Variants in PTPRU observed in about 807,000 individuals in gnomAD.
PTPRU encodes the protein protein tyrosine phosphatase receptor type U, also known as receptor-type tyrosine-protein phosphatase U.
In PTPRU, 69 loss-of-function variants were observed where a neutral mutation model predicts 166.3. That is an observed-to-expected ratio of 0.41 (90% CI 0.34 to 0.51). PTPRU has a LOEUF of 0.51. Among genes scored for constraint, PTPRU ranks in the 20% least tolerant of loss-of-function variants. PTPRU has a pLI of 0.09. For synonymous variants in PTPRU, 793 were observed against 814.0 expected, an observed-to-expected ratio of 0.97 and a Z score of 0.44; for missense variants, 1,657 against 2,013.7, an observed-to-expected ratio of 0.82 and a Z score of 3.39.
At position 29,275,723 on chromosome 1, in the gene PTPRU, G is replaced by A; in HGVS notation, c.1420G>A (p.Gly474Ser). 1 of 1,614,146 alleles carries A rather than the reference G, an allele frequency of 6.2e-7. No individual in the cohort carries two copies. ...CACTAACCCTGAGGGGCGCAAAGAG[G>A]GCAAGGAGGTCACTTTCCAGACGGA... is the stretch of plus-strand genomic sequence containing the variant. ...VLTNPEGRKEGKEVTFQTDED... is the reference protein window; with the variant it reads ...VLTNPEGRKESKEVTFQTDED... The change falls in exon 8 of 30, where the codon GGC becomes AGC. Residue 474 changes from glycine (G) to serine (S), a missense_variant. Physicochemically the swap from Gly to Ser is moderately conservative, Grantham distance 56. This residue lies in a region of PTPRU where 1,190 missense variants were observed against 1,477.4 expected (regional missense o/e 0.81). Coordinates refer to ENST00000373779, the MANE Select transcript of PTPRU (RefSeq NM_133178.4).
At chr1:29,308,130 C>CT (rs934134891) in intron 18 of PTPRU, among the ~76,000 whole-genome samples, 8 of 150,768 alleles carry the variant, frequency 5.3e-5, no homozygotes, top group South Asian at 2.1e-4. Flanking sequence ...TTTCTTTTTT[C>CT]TTTTTTTTTG....
At chr1:29,242,500 G>A (rs904943517) in intron 1 of PTPRU, among the ~76,000 whole-genome samples, 1 of 152,154 alleles carries the variant, frequency 6.6e-6, no homozygotes, top group Non-Finnish European at 1.5e-5. Flanking sequence ...TCTCCAATAC[G>A]GTGGCTCCTG....
At chr1:29,305,453 T>C (rs1687346101) in intron 18 of PTPRU, 25 bp downstream of exon 18, 2 of 1,606,762 alleles carry the variant, frequency 1.2e-6, no homozygotes, top group Non-Finnish European at 1.7e-6. Flanking sequence ...CTGTCATTTC[T>C]GCAGACCTGG....
At position 29,323,684 on chromosome 1, in the gene PTPRU, A is replaced by C. The variant is rs1688269953; in HGVS notation, c.4008A>C (p.Ala1336=). The change falls in exon 28 of 30, where the codon GCA becomes GCC. Residue 1336 remains alanine, a synonymous_variant. Coordinates refer to ENST00000373779, the MANE Select transcript of PTPRU (RefSeq NM_133178.4). ...VRHFQFLRWS[A]YRDTPDSKKA... ...ACTTCCAGTTCCTGCGCTGGTCTGC[A>C]TACCGGGACACACCTGACTCCAAGA... 6.2e-7 allele frequency: 1 copy of C among 1,614,118 alleles called. No individual in the cohort carries two copies.
chr1:29,263,750 G>A (rs1473055687), intron 7 of PTPRU, among the ~76,000 whole-genome samples: 4 of 152,020 alleles, frequency 2.6e-5, no homozygotes, highest in African/African-American at 9.7e-5. Context: ...ATGATATATC[G>A]AGCATTTTTT....
At chr1:29,249,153 CG>C (rs1330078894) in intron 1 of PTPRU, among the ~76,000 whole-genome samples, 2 of 97,390 alleles carry the variant, frequency 2.1e-5, no homozygotes, top group East Asian at 4.0e-4. Flanking sequence ...CATGAGTGCA[CG>C]TGTGCACACA....
chr1:29,289,828 C>T (rs759369869), intron 14 of PTPRU: 14 of 1,204,396 alleles, frequency 1.2e-5, no homozygotes, highest in Admixed American at 9.8e-5. Flanking sequence ...TGGTGTCCAC[C>T]CGGTTCTCTC....
In PTPRU at chr1:29,315,778, T is replaced by A. The variant is rs2076621; in HGVS notation, c.3364-224T>A. ...GTGTGACCGTGAGCTGTCCCCCACC[T>A]CTCAGAGCACTCACAGAGTTGTTAT... On this transcript the variant is annotated intron_variant, in intron 23 of 29. Transcript: ENST00000373779. This position sits in a 1 kb window ranked among gnomAD's most constrained non-coding sequence, Gnocchi z 4.5. Among the ~76,000 whole-genome samples the A allele has an allele frequency of 0.032, 4,909 of 152,222 alleles. 149 individuals are homozygous for A. Among genetic ancestry groups the A allele is most frequent in the East Asian group, 0.15 (773 of 5,156 alleles).
At chr1:29,285,370 C>T (rs1197038805) in intron 14 of PTPRU, among the ~76,000 whole-genome samples, 1 of 152,208 alleles carries the variant, frequency 6.6e-6, no homozygotes, top group Non-Finnish European at 1.5e-5. Context: ...GCCCTGGACC[C>T]TGTTCCTGTG....
intron 15 of PTPRU, among the ~76,000 whole-genome samples, chr1:29,295,281 G>C (rs1686831014): frequency 6.6e-6 from 1 of 151,958 alleles, no homozygotes; most frequent in Admixed American, 6.6e-5. Context: ...CTGGGCTCCA[G>C]TGATCTGCCC....
intron 18 of PTPRU, among the ~76,000 whole-genome samples, chr1:29,307,749 C>CTTTT (rs201782011): frequency 8.5e-6 from 1 of 117,248 alleles, no homozygotes; most frequent in Non-Finnish European, 2.0e-5. Flanking sequence ...AAATATTATG[C>CTTTT]TTTTTTTTTT....
intron 26 of PTPRU, among the ~76,000 whole-genome samples, chr1:29,321,601 A>G (rs1044607291): frequency 8.5e-5 from 13 of 152,206 alleles, no homozygotes; most frequent in Admixed American, 5.2e-4. Flanking sequence ...GTAGAGTACA[A>G]TTCAAGCCTC....
chr1:29,292,142 G>T, intron 15 of PTPRU, 116 bp downstream of exon 15: 1 of 1,308,628 alleles, frequency 7.6e-7, no homozygotes, highest in African/African-American at 1.5e-5. Context: ...TGAAGCATCT[G>T]TGGTGCTCCT....
intron 24 of PTPRU, among the ~76,000 whole-genome samples, 175 bp downstream of exon 24, chr1:29,316,326 T>A (rs1687900258): frequency 1.3e-5 from 2 of 152,026 alleles, no homozygotes; most frequent in Admixed American, 1.3e-4. Context: ...GAAGATGGGG[T>A]GCATCAAAGC....
chr1:29,259,492 C>T lies in PTPRU; in HGVS notation c.603C>T (p.Asn201=), dbSNP rs751927235. Residue 201 remains asparagine (N), a synonymous_variant, in exon 5 of 30, where the codon AAC becomes AAT. Transcript: ENST00000373779. ...CCCGCCTGGGCGACGTGGAGGTCAA[C>T]GCGGGCCAGAACGCGTCGTTCCAGT... is the stretch of plus-strand genomic sequence containing the variant. ...HFSRLGDVEV[N]AGQNASFQCM... The T allele has an allele frequency of 2.5e-6, 4 of 1,610,390 alleles. No individual in the cohort carries two copies. Among genetic ancestry groups the T allele is most frequent in the South Asian group, 1.1e-5 (1 of 90,928 alleles).
At chr1:29,295,871 A>G (rs1310231826) in intron 15 of PTPRU, among the ~76,000 whole-genome samples, 1 of 151,736 alleles carries the variant, frequency 6.6e-6, no homozygotes, top group Non-Finnish European at 1.5e-5. Flanking sequence ...ATTTTTTTTT[A>G]GTAGAGATGG....
In PTPRU at chr1:29,268,227, C is replaced by G. The variant is rs1179314974; in HGVS notation, c.1145-7221C>G. On this transcript the variant is annotated intron_variant, in intron 7 of 29. Coordinates refer to ENST00000373779, the MANE Select transcript of PTPRU (RefSeq NM_133178.4). ...GTGGAGTTCAGGGAAGGGGTTCGGG[C>G]TGCAGATAGAAATTTGAAAGTCATC... 3.3e-5 allele frequency among the ~76,000 whole-genome samples: 5 copies of G among 152,160 alleles called. No individual in the cohort carries two copies. In the East Asian group the frequency reaches 7.7e-4, roughly 23 times the overall value.
chr1:29,255,919 C>T (rs1296314479), intron 2 of PTPRU, among the ~76,000 whole-genome samples: 1 of 152,210 alleles, frequency 6.6e-6, no homozygotes, highest in African/African-American at 2.4e-5. Context: ...AGATGGGGCA[C>T]CTTTGTCATC....
At chr1:29,283,717 G>T in intron 12 of PTPRU, 4 of 547,004 alleles carry the variant, frequency 7.3e-6, no homozygotes, top group Non-Finnish European at 3.2e-6. Context: ...TTTCTCTTTT[G>T]CCTCCGATCT....
Sources: gnomAD v4.1 joint callset for allele counts (sites outside exome capture counted in the v4.1 genomes callset) on GRCh38, gnomAD v4.1.1 for gene constraint, gnomAD v4.1.1 regional missense constraint, Gnocchi (gnomAD v3.1) non-coding constraint, MANE v1.5 for transcripts, NCBI Gene and HGNC (gene_info 2026-07-23, HGNC 2026-07-21) for gene names.